EPRS1: variants seen among roughly 807,000 people sequenced by gnomAD.
EPRS1 encodes bifunctional glutamate/proline--tRNA ligase.
In EPRS1, 107 loss-of-function variants were observed where a neutral mutation model predicts 188.3. The observed-to-expected ratio is 0.57, with a 90% CI of 0.49 to 0.67. The LOEUF is 0.67. Ranked by LOEUF, EPRS1 falls within the 30% of genes least tolerant of loss-of-function variation. The pLI, the probability that EPRS1 is intolerant of heterozygous loss-of-function variation, is 0.00. For synonymous variants in EPRS1, 596 were observed against 593.1 expected, an observed-to-expected ratio of 1.00 and a Z score of -0.07; for missense variants, 1,577 against 1,802.2, an observed-to-expected ratio of 0.88 and a Z score of 2.26.
intron 19 of EPRS1, 60 bp from the exon 20 acceptor site, chr1:219,987,464 G>T (rs1023528388): frequency 1.7e-5 from 23 of 1,371,880 alleles, no homozygotes; most frequent in Non-Finnish European, 2.1e-5. Context: ...CATTGTCTAA[G>T]CACACTTAAA....
In EPRS1 at chr1:220,020,243, TAAAC is replaced by T. The variant is rs1383296355; in HGVS notation, c.1116-26_1116-23del. The T allele has an allele frequency of 1.2e-5, 18 of 1,456,162 alleles. No homozygotes were observed. In the East Asian group the frequency reaches 1.8e-4, roughly 15 times the overall value. The allele number at this position is 1,456,162 out of a possible 1,614,324, so 90.2% of individuals were successfully genotyped here. A position where few individuals can be genotyped will look rare whatever the true frequency, so the allele number is the denominator to read the frequency against. On this transcript the variant is annotated intron_variant, in intron 9 of 31. Transcript: ENST00000366923. ...AACACTAGAAAAAAAGAAAATAAAATAAACAAAACATTTTACCCTTTCCCTCTTA... is the reference window on the plus strand; with the variant it reads ...AACACTAGAAAAAAAGAAAATAAAATAAAACATTTTACCCTTTCCCTCTTA...
intron 9 of EPRS1, among the ~76,000 whole-genome samples, chr1:220,022,032 T>C (rs1188914681): frequency 6.6e-6 from 1 of 152,198 alleles, no homozygotes; most frequent in Non-Finnish European, 1.5e-5. Flanking sequence ...CAAAGTTTAT[T>C]ACAGGAAGCA....
chr1:220,019,938 G>T, intron 10 of EPRS1, 50 bp downstream of exon 10: 3 of 1,293,046 alleles, frequency 2.3e-6, no homozygotes, highest in Non-Finnish European at 3.4e-6. Flanking sequence ...AAAAATCACT[G>T]ATCTACTATG....
At chr1:219,984,036 T>G (rs552701801) in intron 21 of EPRS1, among the ~76,000 whole-genome samples, 170 bp downstream of exon 21, 2 of 152,228 alleles carry the variant, frequency 1.3e-5, no homozygotes, top group Non-Finnish European at 2.9e-5. Flanking sequence ...TTCAAGACTT[T>G]ATGTTAACAT....
At chr1:220,033,127 C>T (rs1162570340) in intron 4 of EPRS1, among the ~76,000 whole-genome samples, 1 of 152,074 alleles carries the variant, frequency 6.6e-6, no homozygotes, top group African/African-American at 2.4e-5. Flanking sequence ...CAGTCACACA[C>T]TCACTGAGCA....
At position 219,997,139 on chromosome 1, in the gene EPRS1, A is replaced by T; in HGVS notation, c.2385T>A (p.Thr795=). Residue 795 remains threonine, a synonymous_variant, in exon 18 of 32, where the codon ACT becomes ACA. Coordinates refer to ENST00000366923, the MANE Select transcript of EPRS1 (RefSeq NM_004446.3). ...LSLKAEYKEK[T]GQEYKPGNPP... is the part of the protein sequence containing the mutation. ...GGTTTCCAGGTTTATATTCCTGGCC[A>T]GTTTTCTCCTTATATTCAGCTTTCA... is the stretch of plus-strand genomic sequence containing the variant. The T allele has an allele frequency of 6.2e-7, 1 of 1,614,096 alleles. No individual in the cohort carries two copies. Among genetic ancestry groups the T allele is most frequent in the Non-Finnish European group, 8.5e-7 (1 of 1,179,964 alleles).
At chr1:219,972,817 T>C (rs1660694332) in intron 29 of EPRS1, among the ~76,000 whole-genome samples, 1 of 152,192 alleles carries the variant, frequency 6.6e-6, no homozygotes, top group Non-Finnish European at 1.5e-5. Flanking sequence ...TATAATCCCC[T>C]GGGGGAGCTT....
At chr1:220,020,553 T>C (rs1053102659) in intron 9 of EPRS1, among the ~76,000 whole-genome samples, 3 of 151,936 alleles carry the variant, frequency 2.0e-5, no homozygotes, top group South Asian at 4.1e-4. Context: ...ATACATGTAA[T>C]AATTTTAAGG....
chr1:220,028,377 A>G (rs1662023505), intron 6 of EPRS1, among the ~76,000 whole-genome samples: 1 of 152,190 alleles, frequency 6.6e-6, no homozygotes, highest in Non-Finnish European at 1.5e-5. Context: ...AAACCTCAAG[A>G]AAGCTAAGAG....
At chr1:220,031,283 T>G (rs1662078790) in intron 5 of EPRS1, among the ~76,000 whole-genome samples, 1 of 152,106 alleles carries the variant, frequency 6.6e-6, no homozygotes, top group Non-Finnish European at 1.5e-5. Flanking sequence ...CTTTTAAGTT[T>G]TAGGCAATGA....
At chr1:220,046,076 G>T (rs1380894046) in intron 1 of EPRS1, among the ~76,000 whole-genome samples, 2 of 152,172 alleles carry the variant, frequency 1.3e-5, no homozygotes, top group East Asian at 3.9e-4. Flanking sequence ...AAAAAGATCC[G>T]AAGCGGAGTC....
intron 20 of EPRS1, 69 bp from the exon 21 acceptor site, chr1:219,984,326 C>T (rs1295185716): frequency 9.2e-7 from 1 of 1,082,918 alleles, no homozygotes; most frequent in African/African-American, 1.6e-5. Flanking sequence ...TAAAAATAAA[C>T]CTCTAAAGTT....
At chr1:220,037,410 C>A (rs1662204961) in intron 2 of EPRS1, among the ~76,000 whole-genome samples, 1 of 150,064 alleles carries the variant, frequency 6.7e-6, no homozygotes, top group Non-Finnish European at 1.5e-5. Context: ...GAGGCTGAGG[C>A]AGGAGAATCG....
chr1:219,988,543 C>G (rs145260846), intron 19 of EPRS1, 47 bp downstream of exon 19: 8 of 1,319,890 alleles, frequency 6.1e-6, no homozygotes, highest in Non-Finnish European at 8.7e-6. Context: ...AAGACAATAC[C>G]CTGAAACATA....
chr1:220,040,506 G>A (rs1357955677), intron 1 of EPRS1, among the ~76,000 whole-genome samples: 1 of 152,228 alleles, frequency 6.6e-6, no homozygotes. Context: ...TCAGCTTTCA[G>A]TTAGAGACAC....
intron 26 of EPRS1, 119 bp downstream of exon 26, chr1:219,979,966 A>C (rs1198525721): frequency 3.6e-6 from 3 of 843,582 alleles, no homozygotes; most frequent in Non-Finnish European, 5.4e-6. Flanking sequence ...TTATTATACG[A>C]AAGTACATGA....
chr1:219,973,204 GGA>G (rs1660702349), intron 29 of EPRS1, 32 bp downstream of exon 29: 13 of 1,588,416 alleles, frequency 8.2e-6, no homozygotes, highest in Non-Finnish European at 1.1e-5. Flanking sequence ...TGGAAGATCT[GGA>G]GAGAGAGACA....
intron 16 of EPRS1, among the ~76,000 whole-genome samples, chr1:220,002,511 AC>A (rs1477590438): frequency 6.6e-6 from 1 of 152,130 alleles, no homozygotes; most frequent in East Asian, 1.9e-4. Flanking sequence ...TTGTCTACAT[AC>A]CACACCTAAT....
intron 2 of EPRS1, 71 bp downstream of exon 2, chr1:220,040,114 T>G (rs1485846366): frequency 4.1e-6 from 4 of 981,608 alleles, no homozygotes; most frequent in Non-Finnish European, 6.3e-6. Context: ...AGGGAGACTC[T>G]GTCTCTAAAA....
Sources: gnomAD v4.1 joint callset for allele counts (sites outside exome capture counted in the v4.1 genomes callset) on GRCh38, gnomAD v4.1.1 for gene constraint, MANE v1.5 for transcripts, NCBI Gene and HGNC (gene_info 2026-07-23, HGNC 2026-07-21) for gene names.